Variants in MRC2 observed in about 807,000 individuals in gnomAD.
MRC2 encodes the protein mannose receptor C-type 2.
A neutral mutation model predicts 206.2 loss-of-function variants in MRC2; 84 were observed. The observed-to-expected ratio is 0.41, with a 90% CI of 0.34 to 0.49. The LOEUF (loss-of-function observed/expected upper bound fraction) is 0.49, where lower values mean the gene tolerates loss of function less well. Among genes scored for constraint, MRC2 ranks in the 20% least tolerant of loss-of-function variants. The pLI is 0.31. For missense variants in MRC2, 1,676 were observed against 2,001.5 expected, an observed-to-expected ratio of 0.84 and a Z score of 3.10; for synonymous variants, 798 against 800.0, an observed-to-expected ratio of 1.00 and a Z score of 0.04.
chr17:62,691,003 C>G lies in MRC2; in HGVS notation c.4067C>G (p.Pro1356Arg). The change falls in exon 28 of 30, where the codon CCC (proline) becomes CGC (arginine). Residue 1356 changes from proline to arginine, a missense_variant. Pro to Arg is a moderately radical substitution (Grantham distance 103). This residue lies in a region of MRC2 where 1,354 missense variants were observed against 1,636.6 expected (regional missense o/e 0.83). Coordinates refer to ENST00000303375, the MANE Select transcript of MRC2 (RefSeq NM_006039.5). ...GCTGTGAACTACTCCAACTGGGGGC[C>G]CCCGGGCTTGGGCCCCAGCATGCTG... ...NTAVNYSNWGPPGLGPSMLSH... is the reference protein window; with the variant it reads ...NTAVNYSNWGRPGLGPSMLSH... The G allele has an allele frequency of 1.2e-6, 2 of 1,609,388 alleles. No individual in the cohort carries two copies. Among genetic ancestry groups the G allele is most frequent in the Non-Finnish European group, 1.7e-6 (2 of 1,178,602 alleles).
chr17:62,674,218 G>A, intron 9 of MRC2, 48 bp downstream of exon 9: 1 of 1,376,840 alleles, frequency 7.3e-7, no homozygotes, highest in Non-Finnish European at 9.9e-7. Flanking sequence ...CTGTCAGAGG[G>A]GCTACCAGGG....
At chr17:62,661,511 CTTTTCTTTCTTTCTTTCTCTTTCT>C (rs1489920088) in intron 1 of MRC2, 4 of 147,702 alleles carry the variant, frequency 2.7e-5, no homozygotes, top group African/African-American at 1.0e-4. Context: ...TCCTTTCTTT[CTTTTCTTTCTTTCTTTCTCTTTCT>C]TTTTCTTTCT....
Position 62,673,125 on chromosome 17 carries a change from G to C in MRC2, c.1462-938G>C, listed in dbSNP as rs1301935329. ...CTGTAGTGGCAGTCATTTGCCTTAG[G>C]GGATGCTATTTAAGAATTTTAAAAC... On this transcript the variant is annotated intron_variant, in intron 8 of 29. Coordinates refer to ENST00000303375, the MANE Select transcript of MRC2 (RefSeq NM_006039.5). Among the ~76,000 whole-genome samples, 3 of 152,118 alleles carry C rather than the reference G, an allele frequency of 2.0e-5. No homozygotes were observed. In the East Asian group the frequency reaches 5.8e-4, roughly 29 times the overall value.
chr17:62,682,948 C>T (rs571617054), intron 20 of MRC2, among the ~76,000 whole-genome samples: 9 of 152,080 alleles, frequency 5.9e-5, no homozygotes, highest in Admixed American at 2.6e-4. Flanking sequence ...GCCTGATTGC[C>T]GGCCTGATTA....
chr17:62,674,700 G>GC (rs2088868972), intron 9 of MRC2, among the ~76,000 whole-genome samples: 1 of 134,770 alleles, frequency 7.4e-6, no homozygotes, highest in African/African-American at 3.5e-5. Context: ...TAGGGAGGTT[G>GC]AGGGGGGGGG....
intron 1 of MRC2, 86 bp downstream of exon 1, chr17:62,628,006 T>G: frequency 1.1e-6 from 1 of 873,012 alleles, no homozygotes; most frequent in Non-Finnish European, 1.6e-6. Flanking sequence ...TCCCTCCTTT[T>G]CCCCCCTCTT....
At position 62,664,641 on chromosome 17, in the gene MRC2, G is replaced by A. The variant is rs2088724521; in HGVS notation, c.212G>A (p.Ser71Asn). The A allele has an allele frequency of 2.5e-6, 4 of 1,613,578 alleles. No individual in the cohort carries two copies. Among genetic ancestry groups the A allele is most frequent in the Non-Finnish European group, 3.4e-6 (4 of 1,180,040 alleles). ...QVRVTPACNT[S>N]LPAQRWKWVS... is the part of the protein sequence containing the mutation. ...AGAGTCACCCCGGCTTGCAATACCA[G>A]CCTCCCTGCCCAGCGCTGGAAGTGG... Residue 71 changes from serine (S) to asparagine (N), a missense_variant, in exon 2 of 30, where the codon AGC (serine) becomes AAC (asparagine). This residue lies in a region of MRC2 where 318 missense variants were observed against 346.7 expected (regional missense o/e 0.92). Transcript: ENST00000303375. This position sits in a 1 kb window ranked among gnomAD's most constrained non-coding sequence, Gnocchi z 4.7.
chr17:62,667,294 G>C lies in MRC2; in HGVS notation c.974-96G>C. The C allele has an allele frequency of 6.8e-7, 1 of 1,460,000 alleles. No homozygotes were observed. Among genetic ancestry groups the C allele is most frequent in the Non-Finnish European group, 9.1e-7 (1 of 1,096,814 alleles). 90.4% of individuals were successfully genotyped at this position (1,460,000 alleles called of 1,614,324 possible). A position where few individuals can be genotyped will look rare whatever the true frequency, so the allele number is the denominator to read the frequency against. ...TTCCCGAACTGGCTCAGGCTTCCGAGGGAGCAGAGGGAGGTAGGAGGTTCT... is the reference window on the plus strand; with the variant it reads ...TTCCCGAACTGGCTCAGGCTTCCGACGGAGCAGAGGGAGGTAGGAGGTTCT... On this transcript the variant is annotated intron_variant, in intron 5 of 29. Transcript: ENST00000303375. The surrounding 1 kb of genome is among the most constrained non-coding windows in gnomAD (Gnocchi z 4.1).
intron 1 of MRC2, among the ~76,000 whole-genome samples, chr17:62,655,769 A>G (rs1313646118): frequency 1.3e-5 from 2 of 151,952 alleles, no homozygotes; most frequent in South Asian, 2.1e-4. Flanking sequence ...AAAGAAAGAA[A>G]TATTTCTATC....
Position 62,666,138 on chromosome 17 carries a change from AT to A in MRC2, c.566del (p.Ile189ThrfsTer56). ...QGNSHGKPCT[I>X]PFKYDNQWFH... ...AAACTCCCACGGAAAGCCGTGCACC[AT>A]CCCCTTCAAATATGACAACCAGTGG... On this transcript the variant is annotated frameshift_variant, in exon 3 of 30. Transcript: ENST00000303375. LOFTEE classifies it high-confidence loss of function. This position sits in a 1 kb window ranked among gnomAD's most constrained non-coding sequence, Gnocchi z 5.0. 1 of 1,598,604 alleles carries A rather than the reference AT, an allele frequency of 6.3e-7. No homozygotes were observed. The highest frequency in any genetic ancestry group is 8.5e-7 in the Non-Finnish European group (1 of 1,172,350).
chr17:62,674,050 C>T lies in MRC2; in HGVS notation c.1462-13C>T. The T allele has an allele frequency of 6.5e-7, 1 of 1,540,854 alleles. No homozygotes were observed. Among genetic ancestry groups the T allele is most frequent in the Non-Finnish European group, 8.8e-7 (1 of 1,138,230 alleles). ...GGTGGGGGTTGAGATTCTTCCTCAC[C>T]CTGTGTCCGTAGGAAGGCCGCTGGA... On this transcript the variant is annotated splice_polypyrimidine_tract_variant and intron_variant, in intron 8 of 29. Transcript: ENST00000303375.
At chr17:62,663,122 A>C (rs1207066915) in intron 1 of MRC2, among the ~76,000 whole-genome samples, 1 of 152,112 alleles carries the variant, frequency 6.6e-6, no homozygotes, top group East Asian at 1.9e-4. Flanking sequence ...GGGTTTGCTT[A>C]CTGGGCGTGG....
intron 1 of MRC2, among the ~76,000 whole-genome samples, chr17:62,646,155 G>T (rs2088482449): frequency 6.6e-6 from 1 of 151,314 alleles, no homozygotes; most frequent in Non-Finnish European, 1.5e-5. Context: ...CTCCCAAGTA[G>T]CTGGGACTAC....
At chr17:62,649,948 G>A (rs182597007) in intron 1 of MRC2, among the ~76,000 whole-genome samples, 29 of 150,478 alleles carry the variant, frequency 1.9e-4, no homozygotes, top group African/African-American at 6.6e-4. Context: ...TGCTGAGGTT[G>A]GAGTGGCACT....
Position 62,689,629 on chromosome 17 carries a change from G to A in MRC2, c.3442G>A (p.Asp1148Asn). Residue 1148 changes from aspartate to asparagine, a missense_variant, in exon 24 of 30, where the codon GAT (aspartate) becomes AAT (asparagine). Coordinates refer to ENST00000303375, the MANE Select transcript of MRC2 (RefSeq NM_006039.5). ...GCTTCAGAAGCCGCTGCGCTGGCACGATGCCCTCCTGCTGTGTGAGAGCCG... is the reference window on the plus strand; with the variant it reads ...GCTTCAGAAGCCGCTGCGCTGGCACAATGCCCTCCTGCTGTGTGAGAGCCG... ...RLLQKPLRWH[D>N]ALLLCESRNA... 2 of 1,602,066 alleles carry A rather than the reference G, an allele frequency of 1.2e-6. No homozygotes were observed. The highest frequency in any genetic ancestry group is 1.7e-6 in the Non-Finnish European group (2 of 1,174,706).
rs554391892 is a variant in MRC2, at chr17:62,664,150, G to A, written c.119-398G>A. The stretch of plus-strand genomic sequence containing the variant: ...AATTTTTTGTATTTTTAGTAGAGAC[G>A]GGGTTTCACCGTTTTAGCCGGGATG... On this transcript the variant is annotated intron_variant, in intron 1 of 29. Transcript: ENST00000303375. The surrounding 1 kb of genome is among the most constrained non-coding windows in gnomAD (Gnocchi z 4.7). Among the ~76,000 whole-genome samples, 9 of 151,764 alleles carry A rather than the reference G, an allele frequency of 5.9e-5. No individual in the cohort carries two copies. The highest frequency in any genetic ancestry group is 1.2e-4 in the Non-Finnish European group (8 of 67,914).
At chr17:62,657,528 T>G (rs777849342) in intron 1 of MRC2, among the ~76,000 whole-genome samples, 16 of 152,146 alleles carry the variant, frequency 1.1e-4, no homozygotes, top group Non-Finnish European at 2.1e-4. Flanking sequence ...TCTTTGTCCT[T>G]GGGGAGGAGA....
rs780032067 is a variant in MRC2 at position 62,688,417 on chromosome 17, A to G, written c.3061+14A>G. ...CCTTAGAGCAAGGTAGGGCCAGCCT[A>G]TGGGGAGCCCCCAGTATCCTCTGAC... On this transcript the variant is annotated intron_variant, in intron 21 of 29. Transcript: ENST00000303375. The G allele has an allele frequency of 3.1e-6, 5 of 1,613,996 alleles. No homozygotes were observed. Among genetic ancestry groups the G allele is most frequent in the Middle Eastern group, 1.6e-4 (1 of 6,084 alleles).
Position 62,680,289 on chromosome 17 carries a change from G to T in MRC2, c.2418G>T (p.Trp806Cys). The part of the protein sequence containing the change: ...VAMQCDTQLD[W>C]ICKIPRGTDV... ...TGCAGTGCGACACACAGCTGGACTG[G>T]ATCTGCAAGATCCCCAGAGGTTGGC... The change falls in exon 15 of 30, where the codon TGG (tryptophan) becomes TGT (cysteine). Residue 806 changes from tryptophan (W) to cysteine (C), a missense_variant. Physicochemically the swap from Trp to Cys is radical, Grantham distance 215 (BLOSUM62 -2). Coordinates refer to ENST00000303375, the MANE Select transcript of MRC2 (RefSeq NM_006039.5). This position sits in a 1 kb window ranked among gnomAD's most constrained non-coding sequence, Gnocchi z 4.8. 1 of 1,614,032 alleles carries T rather than the reference G, an allele frequency of 6.2e-7. No homozygotes were observed. Among genetic ancestry groups the T allele is most frequent in the South Asian group, 1.1e-5 (1 of 91,080 alleles).
Sources: gnomAD v4.1 joint callset for allele counts (sites outside exome capture counted in the v4.1 genomes callset) on GRCh38, gnomAD v4.1.1 for gene constraint, gnomAD v4.1.1 regional missense constraint, Gnocchi (gnomAD v3.1) non-coding constraint, MANE v1.5 for transcripts, NCBI Gene and HGNC (gene_info 2026-07-23, HGNC 2026-07-21) for gene names.